The following RAD51B variants were observed in gnomAD, a reference collection of about 807,000 sequenced individuals.
RAD51B encodes the protein DNA repair protein RAD51 homolog 2.
Under a neutral mutation model 42.2 loss-of-function variants are expected in RAD51B, and 38 were observed. The observed-to-expected ratio is 0.90, with a 90% CI of 0.70 to 1.18. The LOEUF (loss-of-function observed/expected upper bound fraction) is 1.18, where lower values mean the gene tolerates loss of function less well. Ranked by LOEUF, RAD51B falls within the 50% of genes most tolerant of loss-of-function variation. The probability of loss-of-function intolerance (pLI) is 0.00; values close to 1 mark genes in which losing one functional copy is unlikely to be tolerated. For missense variants in RAD51B, 373 were observed against 400.7 expected, an observed-to-expected ratio of 0.93 and a Z score of 0.59; for synonymous variants, 154 against 145.2, an observed-to-expected ratio of 1.06 and a Z score of -0.43.
At chr14:68,427,978 G>A (rs543262428) in intron 9 of RAD51B, among the ~76,000 whole-genome samples, 122 of 152,338 alleles carry the variant, frequency 8.0e-4, no homozygotes, top group African/African-American at 2.6e-3. Flanking sequence ...CTGTTATTGT[G>A]AAAGTGAGTT....
chr14:67,905,942 A>C (rs1043890741), intron 7 of RAD51B, among the ~76,000 whole-genome samples: 1 of 151,862 alleles, frequency 6.6e-6, no homozygotes, highest in Non-Finnish European at 1.5e-5. Context: ...CCAGTATAGG[A>C]GTGGTAAGTG....
intron 7 of RAD51B, among the ~76,000 whole-genome samples, chr14:68,158,221 A>G (rs1388863957): frequency 6.6e-6 from 1 of 152,192 alleles, no homozygotes; most frequent in African/African-American, 2.4e-5. Context: ...TCTTAAATAT[A>G]TGAAGTTATA....
At chr14:68,509,629 C>G (rs891143902) in intron 10 of RAD51B, among the ~76,000 whole-genome samples, 2 of 152,182 alleles carry the variant, frequency 1.3e-5, no homozygotes, top group Admixed American at 1.3e-4. Flanking sequence ...AAATCCATCC[C>G]TTGTTAACAG....
chr14:68,037,037 C>CCCCT (rs1292503525), intron 7 of RAD51B, among the ~76,000 whole-genome samples: 1 of 108,642 alleles, frequency 9.2e-6, no homozygotes, highest in Non-Finnish European at 1.9e-5. Flanking sequence ...CCTCCCTCCC[C>CCCCT]CCCTCCCTTC....
chr14:68,113,455 G>A (rs77265065), intron 7 of RAD51B, among the ~76,000 whole-genome samples: 3 of 152,234 alleles, frequency 2.0e-5, no homozygotes, highest in East Asian at 1.9e-4. Flanking sequence ...CAATGTAAAT[G>A]TGATACTTAA....
chr14:68,440,033 T>C (rs146086715), intron 9 of RAD51B, among the ~76,000 whole-genome samples: 104 of 152,338 alleles, frequency 6.8e-4, no homozygotes, highest in African/African-American at 2.4e-3. Context: ...AAAGGATTAT[T>C]AAGCGGTTAG....
intron 10 of RAD51B, among the ~76,000 whole-genome samples, chr14:68,631,178 C>A (rs561786131): frequency 2.0e-5 from 3 of 152,046 alleles, no homozygotes; most frequent in Non-Finnish European, 2.9e-5. Context: ...AAATTCTGGA[C>A]GTATATGGTC....
intron 7 of RAD51B, among the ~76,000 whole-genome samples, chr14:67,956,067 A>T (rs934559341): frequency 2.0e-5 from 3 of 152,126 alleles, no homozygotes; most frequent in Admixed American, 1.3e-4. Flanking sequence ...TTTTACTTTA[A>T]CTTGGTTGTC....
chr14:68,296,105 C>G (rs2081608795), intron 8 of RAD51B, among the ~76,000 whole-genome samples: 1 of 152,098 alleles, frequency 6.6e-6, no homozygotes, highest in Admixed American at 6.5e-5. Context: ...AGGGCAACAT[C>G]AACAACACAG....
intron 10 of RAD51B, among the ~76,000 whole-genome samples, chr14:68,586,306 A>C (rs919641986): frequency 6.6e-6 from 1 of 152,162 alleles, no homozygotes; most frequent in African/African-American, 2.4e-5. Context: ...CTCAGCCTTG[A>C]TTCTTGTCTC....
chr14:68,504,662 C>CTTTTTTTTTTTTTTTTTTTTTTTTTCTTT (rs57967320), intron 10 of RAD51B, among the ~76,000 whole-genome samples: 4 of 90,432 alleles, frequency 4.4e-5, no homozygotes, highest in Non-Finnish European at 6.2e-5. Flanking sequence ...TTTTTTCTTT[C>CTTTTTTTTTTTTTTTTTTTTTTTTTCTTT]TTTTTTTTTT....
Position 67,946,578 on chromosome 14 carries a change from G to A in RAD51B, c.756+59374G>A, listed in dbSNP as rs1185657625. Among the ~76,000 whole-genome samples, 4 of 152,294 alleles carry A rather than the reference G, an allele frequency of 2.6e-5. No individual in the cohort carries two copies. The East Asian group carries it at 7.7e-4, about 29-fold the overall frequency. On this transcript the variant is annotated intron_variant, in intron 7 of 10. Transcript: ENST00000471583. ...AGACATGGTTTCACCATCTTGGCCA[G>A]GCTGGTCTTGAACTCCTGACCTCGT...
At chr14:68,315,512 T>C (rs764617014) in intron 8 of RAD51B, among the ~76,000 whole-genome samples, 3 of 152,080 alleles carry the variant, frequency 2.0e-5, no homozygotes, top group Non-Finnish European at 4.4e-5. Flanking sequence ...AGTAAAACTT[T>C]AGGTTTTTTT....
At chr14:68,510,345 CCT>C (rs1885639610) in intron 10 of RAD51B, among the ~76,000 whole-genome samples, 1 of 152,326 alleles carries the variant, frequency 6.6e-6, no homozygotes, top group Non-Finnish European at 1.5e-5. Flanking sequence ...ACTGAGCCGG[CCT>C]CTGTCTCCAG....
chr14:68,299,206 A>G (rs1330017279), intron 8 of RAD51B, among the ~76,000 whole-genome samples: 2 of 152,078 alleles, frequency 1.3e-5, no homozygotes, highest in Non-Finnish European at 2.9e-5. Context: ...ACATTAATAC[A>G]CACATTATGG....
chr14:67,862,891 T>A (rs539680967), intron 4 of RAD51B, among the ~76,000 whole-genome samples: 123 of 152,236 alleles, frequency 8.1e-4, no homozygotes, highest in African/African-American at 2.8e-3. Flanking sequence ...TTTGTGTGTG[T>A]TTTATACTCT....
intron 8 of RAD51B, among the ~76,000 whole-genome samples, chr14:68,300,065 A>G (rs990990623): frequency 2.4e-4 from 37 of 152,170 alleles, no homozygotes; most frequent in Non-Finnish European, 7.4e-5. Flanking sequence ...AAGGGGCTAT[A>G]TATGAAGGAC....
At chr14:68,442,073 T>A (rs2085310955) in intron 9 of RAD51B, among the ~76,000 whole-genome samples, 1 of 152,164 alleles carries the variant, frequency 6.6e-6, no homozygotes, top group Admixed American at 6.5e-5. Context: ...GGTCTAGAAA[T>A]CTGCATTTCT....
intron 10 of RAD51B, among the ~76,000 whole-genome samples, chr14:68,547,432 GAAAACAT>G (rs1370592219): frequency 6.6e-6 from 1 of 152,322 alleles, no homozygotes; most frequent in South Asian, 2.1e-4. Flanking sequence ...GAAATGAAAT[GAAAACAT>G]AAAGAGAAGG....
Sources: allele counts gnomAD v4.1 joint callset (sites outside exome capture counted in the v4.1 genomes callset), GRCh38; gene constraint gnomAD v4.1.1; transcripts MANE v1.5; gene names NCBI Gene and HGNC (gene_info 2026-07-23, HGNC 2026-07-21).